Variants in NR1I2 observed in about 807,000 individuals in gnomAD.
NR1I2 encodes the protein orphan nuclear receptor PAR1.
NR1I2 carries 42 observed loss-of-function variants against 43.3 expected under a neutral mutation model. That is an observed-to-expected ratio of 0.97 (90% CI 0.76 to 1.26). The LOEUF is 1.26. Ranked by LOEUF, NR1I2 falls within the 50% of genes most tolerant of loss-of-function variation. The pLI is 0.00. For synonymous variants in NR1I2, 229 were observed against 215.0 expected (o/e 1.06, Z -0.57); for missense variants, 559 against 566.7 (o/e 0.99, Z 0.14).
chr3:119,808,409 G>A (rs1452838138), intron 2 of NR1I2, among the ~76,000 whole-genome samples: 2 of 152,234 alleles, frequency 1.3e-5, no homozygotes, highest in African/African-American at 2.4e-5. Context: ...GGCTAGAGCC[G>A]GGCCCAGCCT....
chr3:119,814,784 G>A lies in NR1I2; in HGVS notation c.795-195G>A, dbSNP rs569225591. 4.6e-5 allele frequency among the ~76,000 whole-genome samples: 7 copies of A among 152,252 alleles called. No homozygotes were observed. In the East Asian group the frequency reaches 9.7e-4, roughly 21 times the overall value. ...GTTGGAGGGGAGGAGAGGATGCTGC[G>A]GGGCAGAGCTGTCTGCTGGGTTGTG... is the stretch of plus-strand genomic sequence containing the variant. On this transcript the variant is annotated intron_variant, in intron 5 of 8. Transcript: ENST00000393716.
At chr3:119,792,767 C>G (rs1960022) in intron 1 of NR1I2, among the ~76,000 whole-genome samples, 2 of 152,046 alleles carry the variant, frequency 1.3e-5, no homozygotes, top group Non-Finnish European at 2.9e-5. Context: ...CCCAGCTACT[C>G]GGGAAGCTGA....
At chr3:119,809,882 A>G (rs1441755651) in intron 2 of NR1I2, among the ~76,000 whole-genome samples, 179 bp from the exon 3 acceptor site, 5 of 151,808 alleles carry the variant, frequency 3.3e-5, no homozygotes, top group African/African-American at 1.2e-4. Flanking sequence ...TGAGTCCTGG[A>G]CCTCTAGGGA....
chr3:119,798,976 G>T (rs2107959578), intron 1 of NR1I2, among the ~76,000 whole-genome samples: 1 of 152,276 alleles, frequency 6.6e-6, no homozygotes, highest in South Asian at 2.1e-4. Flanking sequence ...CGGGTTTTGG[G>T]CTATTATGAA....
intron 1 of NR1I2, among the ~76,000 whole-genome samples, chr3:119,803,608 T>C (rs1356967676): frequency 6.6e-6 from 1 of 152,194 alleles, no homozygotes; most frequent in East Asian, 1.9e-4. Context: ...ACTAAGACAA[T>C]GAGTGACCTT....
At chr3:119,799,204 CTCTT>C (rs2055042740) in intron 1 of NR1I2, among the ~76,000 whole-genome samples, 1 of 152,126 alleles carries the variant, frequency 6.6e-6, no homozygotes, top group Admixed American at 6.6e-5. Flanking sequence ...CGATTCTTAC[CTCTT>C]TTTGATTTGT....
At chr3:119,802,825 G>T (rs2055098712) in intron 1 of NR1I2, 3 of 454,926 alleles carry the variant, frequency 6.6e-6, no homozygotes, top group African/African-American at 4.0e-5. Context: ...GTGTGTAGTA[G>T]ATGCTCAACA....
At chr3:119,813,933 TTC>T in intron 5 of NR1I2, among the ~76,000 whole-genome samples, 1 of 152,288 alleles carries the variant, frequency 6.6e-6, no homozygotes, top group African/African-American at 2.4e-5. Context: ...GCCATCTTCA[TTC>T]TCAGATAGAA....
At chr3:119,799,760 A>T (rs539389283) in intron 1 of NR1I2, among the ~76,000 whole-genome samples, 1 of 152,086 alleles carries the variant, frequency 6.6e-6, no homozygotes, top group African/African-American at 2.4e-5. Context: ...GGCATGGATC[A>T]CCTAAGGTCA....
chr3:119,810,237 G>T (rs1318615751), intron 3 of NR1I2, 43 bp downstream of exon 3: 28 of 1,557,756 alleles, frequency 1.8e-5, no homozygotes, highest in Non-Finnish European at 2.4e-5. Flanking sequence ...GGGGTGCACG[G>T]CTCTGAGTAA....
At chr3:119,809,808 A>C (rs1016780476) in intron 2 of NR1I2, among the ~76,000 whole-genome samples, 1 of 152,152 alleles carries the variant, frequency 6.6e-6, no homozygotes, top group African/African-American at 2.4e-5. Context: ...AGCGAAAAGC[A>C]CGTGTCCCAT....
rs373024967 is a variant in NR1I2, at chr3:119,811,725, G to A, written c.518G>A (p.Arg173Gln). 44 of 1,605,666 alleles carry A rather than the reference G, an allele frequency of 2.7e-5. No homozygotes were observed. Among genetic ancestry groups the A allele is most frequent in the Middle Eastern group, 3.3e-4 (2 of 6,044 alleles). Residue 173 changes from arginine to glutamine, a missense_variant and splice_region_variant, in exon 4 of 9, where the codon CGG becomes CAG. Arg to Gln is a conservative substitution (Grantham distance 43, BLOSUM62 1). Around this residue, in one of 3 missense-constraint regions of NR1I2, gnomAD observed 232 missense variants for 236.6 expected, o/e 0.98. Transcript: ENST00000393716. Reference sequence around the variant, plus strand: ...ACCTTCTCCCATTTCAAGAATTTCCGGGTAGGAGGAACTGCACAGTGACCC... The same window carrying A: ...ACCTTCTCCCATTTCAAGAATTTCCAGGTAGGAGGAACTGCACAGTGACCC...
chr3:119,787,025 T>C (rs1215590876), intron 1 of NR1I2, among the ~76,000 whole-genome samples: 1 of 152,086 alleles, frequency 6.6e-6, no homozygotes, highest in Admixed American at 6.5e-5. Flanking sequence ...TGGTGGATCA[T>C]GCCTGTAATC....
intron 1 of NR1I2, among the ~76,000 whole-genome samples, chr3:119,784,198 C>T (rs2472671): frequency 0.72 from 109,739 of 152,178 alleles, 42,244 homozygotes; most frequent in East Asian, 1. Context: ...GTTACTGTTC[C>T]TCCACACTCC....
At position 119,815,778 on chromosome 3, in the gene NR1I2, C is replaced by A. The variant is rs369188703; in HGVS notation, c.1107C>A (p.Phe369Leu). ...TGGTGGACCAGCTGCAGGAGCAATT[C>A]GCCATTACTCTGAAGTCCTACATTG... Residue 369 changes from phenylalanine (F) to leucine (L), a missense_variant, in exon 8 of 9, where the codon TTC becomes TTA. Coordinates refer to ENST00000393716, the MANE Select transcript of NR1I2 (RefSeq NM_003889.4). 3.1e-6 allele frequency: 5 copies of A among 1,613,782 alleles called. No individual in the cohort carries two copies. The highest frequency in any genetic ancestry group is 2.2e-5 in the East Asian group (1 of 44,880).
At chr3:119,786,112 T>A (rs2054839567) in intron 1 of NR1I2, among the ~76,000 whole-genome samples, 1 of 152,202 alleles carries the variant, frequency 6.6e-6, no homozygotes, top group Non-Finnish European at 1.5e-5. Flanking sequence ...GCAGAGATGA[T>A]CCAATAGCCA....
In NR1I2 at chr3:119,812,779, G is replaced by T. The variant is rs1223964209; in HGVS notation, c.613G>T (p.Asp205Tyr). The change falls in exon 5 of 9, where the codon GAT (aspartate) becomes TAT (tyrosine). Residue 205 changes from aspartate to tyrosine, a missense_variant. By Grantham distance (160) the Asp-to-Tyr change is radical. Coordinates refer to ENST00000393716, the MANE Select transcript of NR1I2 (RefSeq NM_003889.4). ...TGCCAAGTGGAGCCAGGTCCGGAAA[G>T]ATCTGTGCTCTTTGAAGGTCTCTCT... 1.9e-6 allele frequency: 3 copies of T among 1,614,252 alleles called. No homozygotes were observed. Among genetic ancestry groups the T allele is most frequent in the Non-Finnish European group, 2.5e-6 (3 of 1,180,048 alleles).
At chr3:119,805,235 G>GT (rs1317600372) in intron 1 of NR1I2, among the ~76,000 whole-genome samples, 9 of 152,038 alleles carry the variant, frequency 5.9e-5, no homozygotes, top group Non-Finnish European at 1.3e-4. Context: ...AATTCTAGAA[G>GT]TTTTTTTGGT....
At chr3:119,814,784 G>T (rs569225591) in intron 5 of NR1I2, among the ~76,000 whole-genome samples, 195 bp from the exon 6 acceptor site, 1 of 152,134 alleles carries the variant, frequency 6.6e-6, no homozygotes, top group African/African-American at 2.4e-5. Flanking sequence ...AGGATGCTGC[G>T]GGGCAGAGCT....
Sources: gnomAD v4.1 joint callset for allele counts (sites outside exome capture counted in the v4.1 genomes callset) on GRCh38, gnomAD v4.1.1 for gene constraint, gnomAD v4.1.1 regional missense constraint, MANE v1.5 for transcripts, NCBI Gene and HGNC (gene_info 2026-07-23, HGNC 2026-07-21) for gene names.